STT3A: variants seen among roughly 807,000 people sequenced by gnomAD.
STT3A encodes the protein STT3 oligosaccharyltransferase complex catalytic subunit A.
STT3A carries 34 observed loss-of-function variants against 89.2 expected under a neutral mutation model. The ratio of observed to expected loss-of-function variants is 0.38; its 90% CI spans 0.29 to 0.51. STT3A has a LOEUF of 0.51. Ranked by LOEUF, STT3A falls within the 20% of genes least tolerant of loss-of-function variation. The pLI, the probability that STT3A is intolerant of heterozygous loss-of-function variation, is 0.89. For missense variants in STT3A, 555 were observed against 889.5 expected (o/e 0.62, Z 4.78); for synonymous variants, 282 against 310.3 (o/e 0.91, Z 0.96).
At chr11:125,592,720 T>G (rs115754046), upstream of STT3A, 1,661 of 291,446 alleles carry the variant, frequency 5.7e-3, 27 homozygotes, top group African/African-American at 0.034. Context: ...AATTAAAAAC[T>G]TGAATCGCGG....
At chr11:125,618,349 GT>G in intron 15 of STT3A, 23 bp from the exon 16 acceptor site, 1 of 1,545,780 alleles carries the variant, frequency 6.5e-7, no homozygotes, top group Non-Finnish European at 8.7e-7. Context: ...TGATGCAGCA[GT>G]TCTTTTTTTT....
intron 17 of STT3A, among the ~76,000 whole-genome samples, chr11:125,620,363 C>T (rs1182429797): frequency 6.6e-6 from 1 of 152,136 alleles, no homozygotes; most frequent in Non-Finnish European, 1.5e-5. Flanking sequence ...CCAGCTGGGG[C>T]TTGACTAAAC....
intron 15 of STT3A, among the ~76,000 whole-genome samples, chr11:125,616,397 C>T (rs1052805719): frequency 1.3e-5 from 2 of 152,154 alleles, no homozygotes; most frequent in African/African-American, 4.8e-5. Context: ...ATTACAGATG[C>T]AGTCATCTGT....
chr11:125,605,620 T>A lies in STT3A; in HGVS notation c.509-9T>A. ...CTCTTGTTGAATTTTTGGTGTGTCC[T>A]TTCTGCAGGGATTGCCATCTTTTGC... On this transcript the variant is annotated splice_polypyrimidine_tract_variant and intron_variant, in intron 6 of 17. Coordinates refer to ENST00000392708, the MANE Select transcript of STT3A (RefSeq NM_152713.5). The A allele has an allele frequency of 6.2e-7, 1 of 1,611,402 alleles. No homozygotes were observed. Among genetic ancestry groups the A allele is most frequent in the Non-Finnish European group, 8.5e-7 (1 of 1,177,992 alleles).
At chr11:125,602,157 G>C in intron 3 of STT3A, 146 bp from the exon 4 acceptor site, 1 of 946,060 alleles carries the variant, frequency 1.1e-6, no homozygotes, top group Non-Finnish European at 1.5e-6. Flanking sequence ...GAAGTAAACA[G>C]ACTTATGGTA....
At position 125,618,436 on chromosome 11, in the gene STT3A, A is replaced by C; in HGVS notation, c.1838A>C (p.Lys613Thr). ...AGCACAGATACAGGCAAACATATCA[A>C]GGAGAATGACTATTATACTCCAACT... ...GGSTDTGKHI[K>T]ENDYYTPTGE... Residue 613 changes from lysine (K) to threonine (T), a missense_variant, in exon 16 of 18, where the codon AAG (lysine) becomes ACG (threonine). This residue lies in a region of STT3A where 273 missense variants were observed against 449.8 expected (regional missense o/e 0.61). Coordinates refer to ENST00000392708, the MANE Select transcript of STT3A (RefSeq NM_152713.5). The C allele has an allele frequency of 6.2e-7, 1 of 1,614,044 alleles. No homozygotes were observed. The highest frequency in any genetic ancestry group is 8.5e-7 in the Non-Finnish European group (1 of 1,180,022).
At position 125,602,376 on chromosome 11, in the gene STT3A, C is replaced by G; in HGVS notation, c.223C>G (p.Arg75Gly). The G allele has an allele frequency of 6.2e-7, 1 of 1,613,296 alleles. No homozygotes were observed. Among genetic ancestry groups the G allele is most frequent in the Non-Finnish European group, 8.5e-7 (1 of 1,179,814 alleles). Reference sequence around the variant, plus strand: ...TAAATTCCATAACTGGTTTGATGACCGAGCCTGGTACCCTTTGGGACGAAT... The same window carrying G: ...TAAATTCCATAACTGGTTTGATGACGGAGCCTGGTACCCTTTGGGACGAAT... ...FYKFHNWFDDRAWYPLGRIIG... is the reference protein window; with the variant it reads ...FYKFHNWFDDGAWYPLGRIIG... The change falls in exon 4 of 18, where the codon CGA becomes GGA. Residue 75 changes from arginine to glycine, a missense_variant. By Grantham distance (125) the Arg-to-Gly change is moderately radical (BLOSUM62 -2). Around this residue, in one of 5 missense-constraint regions of STT3A, gnomAD observed 129 missense variants for 193.2 expected, o/e 0.67. Coordinates refer to ENST00000392708, the MANE Select transcript of STT3A (RefSeq NM_152713.5).
In STT3A at chr11:125,596,020, A is replaced by G; in HGVS notation, c.88+17A>G. ...CTGTATTATGTGAGTGTGCATGTGAACCTCTCTTTCTTTGGGGATAGAAAG... is the reference window on the plus strand; with the variant it reads ...CTGTATTATGTGAGTGTGCATGTGAGCCTCTCTTTCTTTGGGGATAGAAAG... On this transcript the variant is annotated intron_variant, in intron 2 of 17. Coordinates refer to ENST00000392708, the MANE Select transcript of STT3A (RefSeq NM_152713.5). 6.4e-7 allele frequency: 1 copy of G among 1,572,254 alleles called. No homozygotes were observed. The highest frequency in any genetic ancestry group is 2.3e-5 in the East Asian group (1 of 44,254).
At chr11:125,617,893 CAT>C (rs1402506969) in intron 15 of STT3A, among the ~76,000 whole-genome samples, 1 of 152,188 alleles carries the variant, frequency 6.6e-6, no homozygotes, top group Non-Finnish European at 1.5e-5. Flanking sequence ...ACTGAATAGT[CAT>C]ATCAAAACAT....
intron 6 of STT3A, 79 bp downstream of exon 6, chr11:125,604,326 A>C (rs191478092): frequency 2.0e-4 from 283 of 1,423,950 alleles, no homozygotes; most frequent in Middle Eastern, 1.6e-3. Flanking sequence ...TCTATGGTTT[A>C]GCAATAATAA....
chr11:125,603,862 G>A (rs1245327680), intron 5 of STT3A, among the ~76,000 whole-genome samples: 1 of 152,176 alleles, frequency 6.6e-6, no homozygotes, highest in Non-Finnish European at 1.5e-5. Flanking sequence ...GGGGAGATTG[G>A]TAGCCAAACA....
intron 17 of STT3A, among the ~76,000 whole-genome samples, 178 bp downstream of exon 17, chr11:125,620,304 G>A (rs773471799): frequency 1.3e-5 from 2 of 152,198 alleles, no homozygotes; most frequent in Non-Finnish European, 1.5e-5. Flanking sequence ...TTAGAGAGTA[G>A]ATGATCCCAG....
chr11:125,594,449 G>A (rs1591368343), intron 1 of STT3A, among the ~76,000 whole-genome samples: 1 of 151,894 alleles, frequency 6.6e-6, no homozygotes, highest in South Asian at 2.1e-4. Context: ...GCGTGGTGGC[G>A]CACACCTGTA....
chr11:125,602,859 A>T lies in STT3A; in HGVS notation c.328A>T (p.Ile110Phe), dbSNP rs774740808. Residue 110 changes from isoleucine (I) to phenylalanine (F), a missense_variant, in exon 5 of 18, where the codon ATC becomes TTC. Coordinates refer to ENST00000392708, the MANE Select transcript of STT3A (RefSeq NM_152713.5). ...TGTACTCCATTTTTTCCACATCACC[A>T]TCGACATTCGGAATGTCTGTGTGTT... ...YHVLHFFHIT[I>F]DIRNVCVFLA... 1 of 1,614,132 alleles carries T rather than the reference A, an allele frequency of 6.2e-7. No individual in the cohort carries two copies. Among genetic ancestry groups the T allele is most frequent in the Non-Finnish European group, 8.5e-7 (1 of 1,180,026 alleles).
In STT3A at chr11:125,618,542, A is replaced by G. The variant is rs1444390144; in HGVS notation, c.1944A>G (p.Gly648=). The change falls in exon 16 of 18, where the codon GGA becomes GGG. Residue 648 remains glycine (G), a synonymous_variant. Transcript: ENST00000392708. ...ACAAGATGTGTTACTATCGCTTTGG[A>G]CAGGTTTACACAGAAGCCAGTGAGT... ...LMYKMCYYRF[G]QVYTEAKRPP... is the part of the protein sequence containing the mutation. 6.2e-7 allele frequency: 1 copy of G among 1,611,194 alleles called. No homozygotes were observed. The highest frequency in any genetic ancestry group is 8.5e-7 in the Non-Finnish European group (1 of 1,179,284).
chr11:125,612,783 C>CTGTG (rs368068379), intron 12 of STT3A, 36 bp downstream of exon 12: 5 of 1,565,016 alleles, frequency 3.2e-6, no homozygotes, highest in South Asian at 2.3e-5. Flanking sequence ...TTGGGAAACT[C>CTGTG]TGTGTGTGTG....
At chr11:125,607,133 G>A (rs551642781) in intron 8 of STT3A, among the ~76,000 whole-genome samples, 3 of 152,176 alleles carry the variant, frequency 2.0e-5, no homozygotes, top group Admixed American at 6.6e-5. Context: ...CTTACAGTAC[G>A]GTAGTCAATA....
In STT3A at chr11:125,606,410, C is replaced by T; in HGVS notation, c.725C>T (p.Thr242Ile). ...FSHRIYVAYC[T>I]VYCLGTILSM... ...CACCGGATCTATGTGGCCTACTGTA[C>T]TGTTTACTGCCTGGGCACTATACTT... The change falls in exon 8 of 18, where the codon ACT (threonine) becomes ATT (isoleucine). Residue 242 changes from threonine (T) to isoleucine (I), a missense_variant. By Grantham distance (89) the Thr-to-Ile change is moderately conservative (BLOSUM62 -1). Coordinates refer to ENST00000392708, the MANE Select transcript of STT3A (RefSeq NM_152713.5). 1 of 1,614,210 alleles carries T rather than the reference C, an allele frequency of 6.2e-7. No homozygotes were observed. Among genetic ancestry groups the T allele is most frequent in the Non-Finnish European group, 8.5e-7 (1 of 1,180,024 alleles).
At chr11:125,610,213 C>T (rs957827932) in intron 10 of STT3A, among the ~76,000 whole-genome samples, 1 of 152,116 alleles carries the variant, frequency 6.6e-6, no homozygotes, top group Non-Finnish European at 1.5e-5. Flanking sequence ...CAGGTGCACA[C>T]CACCATGCCC....
Sources: allele counts gnomAD v4.1 joint callset (sites outside exome capture counted in the v4.1 genomes callset), GRCh38; gene constraint gnomAD v4.1.1; regional missense constraint gnomAD v4.1.1; transcripts MANE v1.5; gene names NCBI Gene and HGNC (gene_info 2026-07-23, HGNC 2026-07-21).